The following SERINC2 variants were observed in gnomAD, a reference collection of about 807,000 sequenced individuals.
The protein encoded by SERINC2 is tumor differentially expressed protein 2.
A neutral mutation model predicts 54.2 loss-of-function variants in SERINC2; 56 were observed. That is an observed-to-expected ratio of 1.03 (90% CI 0.83 to 1.29). SERINC2 has a LOEUF of 1.29. Ranked by LOEUF, SERINC2 falls within the 50% of genes most tolerant of loss-of-function variation. The pLI is 0.00. For missense variants in SERINC2, 614 were observed against 607.4 expected, an observed-to-expected ratio of 1.01 and a Z score of -0.12; for synonymous variants, 272 against 253.1, an observed-to-expected ratio of 1.07 and a Z score of -0.71.
At chr1:31,410,174 A>G, upstream of SERINC2, 1 of 1,434,100 alleles carries the variant, frequency 7.0e-7, no homozygotes, top group East Asian at 2.5e-5. Context: ...GTGACTTGCC[A>G]GTATCACATA....
chr1:31,413,939 A>T lies in SERINC2; in HGVS notation c.39+635A>T, dbSNP rs1553131836. On this transcript the variant is annotated intron_variant, in intron 1 of 9. Transcript: ENST00000373709. The surrounding 1 kb of genome is among the most constrained non-coding windows in gnomAD (Gnocchi z 5.0). The stretch of plus-strand genomic sequence containing the variant: ...TCTCTGCGGTCCCTTTACCGTCCTC[A>T]GTCTGGCTCGCGCTGCCTCTCAGGC... 60 of 1,522,614 alleles carry T rather than the reference A, an allele frequency of 3.9e-5. No homozygotes were observed. The highest frequency in any genetic ancestry group is 2.1e-5 in the Non-Finnish European group (24 of 1,141,654). 94.3% of individuals were successfully genotyped at this position (1,522,614 alleles called of 1,614,324 possible). A position where few individuals can be genotyped will look rare whatever the true frequency, so the allele number is the denominator to read the frequency against.
Position 31,429,519 on chromosome 1 carries a change from C to T in SERINC2, c.994C>T (p.Leu332=), listed in dbSNP as rs1553134169. The T allele has an allele frequency of 1.9e-6, 3 of 1,611,964 alleles. No homozygotes were observed. Among genetic ancestry groups the T allele is most frequent in the Admixed American group, 1.7e-5 (1 of 59,760 alleles). The stretch of plus-strand genomic sequence containing the variant: ...CATTGTGGGCCTCATCATCTTCCTC[C>T]TGTGCACCCTCTTCATCAGGTATGG... The part of the protein sequence containing the change: ...PSIVGLIIFL[L]CTLFISLRSS... The change falls in exon 8 of 10, where the codon CTG becomes TTG. Residue 332 remains leucine, a synonymous_variant. Coordinates refer to ENST00000373709, the MANE Select transcript of SERINC2 (RefSeq NM_178865.5).
chr1:31,428,749 G>A (rs1382974182), intron 6 of SERINC2, among the ~76,000 whole-genome samples: 6 of 152,150 alleles, frequency 3.9e-5, no homozygotes, highest in Non-Finnish European at 5.9e-5. Context: ...TTCAGCAGGG[G>A]AGGAGGGCAA....
At chr1:31,432,476 C>G (rs1641334069) in intron 8 of SERINC2, among the ~76,000 whole-genome samples, 1 of 152,008 alleles carries the variant, frequency 6.6e-6, no homozygotes, top group Non-Finnish European at 1.5e-5. Flanking sequence ...GTAAAACCAC[C>G]TGACACTAAT....
intron 6 of SERINC2, among the ~76,000 whole-genome samples, chr1:31,428,408 GACAGGCA>G (rs1486027543): frequency 6.6e-6 from 1 of 152,164 alleles, no homozygotes; most frequent in Non-Finnish European, 1.5e-5. Flanking sequence ...GGTGGGGAAG[GACAGGCA>G]ACAGGGGACT....
rs1013616389 is a variant in SERINC2 at position 31,427,294 on chromosome 1, T to C, written c.780+471T>C. On this transcript the variant is annotated intron_variant, in intron 6 of 9. Transcript: ENST00000373709. ...TCCAATCCAAGACCATCTGGAATAA[T>C]GGGCAGGAGCTCCCAGAGGAACTGC... 4.6e-5 allele frequency among the ~76,000 whole-genome samples: 7 copies of C among 152,264 alleles called. No individual in the cohort carries two copies. The South Asian group carries it at 1.5e-3, about 32-fold the overall frequency.
chr1:31,431,885 A>ATAGGGTGGTTAGGGTGGTTAGGGTGGT (rs1641240560), intron 8 of SERINC2, among the ~76,000 whole-genome samples: 1 of 140,392 alleles, frequency 7.1e-6, no homozygotes, highest in Admixed American at 7.0e-5. Context: ...GACAGGGTGG[A>ATAGGGTGGTTAGGGTGGTTAGGGTGGT]CAGGGTGGAT....
At chr1:31,421,192 G>A (rs782331406) in intron 1 of SERINC2, among the ~76,000 whole-genome samples, 27 of 152,292 alleles carry the variant, frequency 1.8e-4, no homozygotes, top group Non-Finnish European at 3.5e-4. Context: ...CAAGTTGCGT[G>A]CTTCTTATGA....
At chr1:31,419,653 C>T (rs564031301) in intron 1 of SERINC2, among the ~76,000 whole-genome samples, 23 of 152,210 alleles carry the variant, frequency 1.5e-4, no homozygotes, top group African/African-American at 5.5e-4. Context: ...CATGAGAAAA[C>T]CCTGTATCTA....
upstream of SERINC2, chr1:31,409,962 C>G (rs1640622032): frequency 1.1e-5 from 12 of 1,075,436 alleles, no homozygotes; most frequent in African/African-American, 1.6e-5. Flanking sequence ...GATTAGAGAA[C>G]CTTGGGGTGG....
Position 31,432,129 on chromosome 1 carries a change from T to TGGAC in SERINC2, c.1014-838_1014-837insGGAC, listed in dbSNP as rs1641293916. On this transcript the variant is annotated intron_variant, in intron 8 of 9. Coordinates refer to ENST00000373709, the MANE Select transcript of SERINC2 (RefSeq NM_178865.5). ...GGGTGGATAGGGTGGTTAGGGTGGA[T>TGGAC]AGGGTGGACAGGGTGGACAGGGTGG... Among the ~76,000 whole-genome samples, 2 of 9,884 alleles carry TGGAC rather than the reference T, an allele frequency of 2.0e-4. 1 individual carries two copies. Among genetic ancestry groups the TGGAC allele is most frequent in the Non-Finnish European group, 5.2e-4 (2 of 3,848 alleles). 6.5% of individuals were successfully genotyped at this position (9,884 alleles called of 152,430 possible).
Position 31,432,133 on chromosome 1 carries a change from G to A in SERINC2, c.1014-834G>A, listed in dbSNP as rs1182332222. Among the ~76,000 whole-genome samples the A allele has an allele frequency of 2.2e-4, 28 of 126,932 alleles. 1 individual carries two copies. The highest frequency in any genetic ancestry group is 1.3e-3 in the East Asian group (5 of 3,714). The allele number at this position is 126,932 out of a possible 152,430, so 83.3% of individuals were successfully genotyped here. A position where few individuals can be genotyped will look rare whatever the true frequency, so the allele number is the denominator to read the frequency against. ...GGATAGGGTGGTTAGGGTGGATAGG[G>A]TGGACAGGGTGGACAGGGTGGACAG... On this transcript the variant is annotated intron_variant, in intron 8 of 9. Transcript: ENST00000373709.
chr1:31,433,944 G>T (rs971077529), intron 9 of SERINC2, 120 bp from the exon 10 acceptor site: 6 of 973,016 alleles, frequency 6.2e-6, no homozygotes, highest in Non-Finnish European at 9.4e-6. Flanking sequence ...AGATGGACTG[G>T]AGTTACAGGG....
At chr1:31,410,268 A>G, upstream of SERINC2, 2 of 1,491,148 alleles carry the variant, frequency 1.3e-6, no homozygotes, top group Non-Finnish European at 1.8e-6. Flanking sequence ...CTGGGAGTAA[A>G]GGCTGATGGG....
At chr1:31,418,413 G>T (rs1553132456) in intron 1 of SERINC2, among the ~76,000 whole-genome samples, 1 of 151,924 alleles carries the variant, frequency 6.6e-6, no homozygotes, top group African/African-American at 2.4e-5. Context: ...CTCATGCTCT[G>T]TCACCCAGGC....
Position 31,428,832 on chromosome 1 carries a change from C to T in SERINC2, c.781-146C>T, listed in dbSNP as rs1641113337. The T allele has an allele frequency of 1.0e-5, 7 of 672,334 alleles. No homozygotes were observed. The Admixed American group carries it at 1.3e-4, about 13-fold the overall frequency. The allele number at this position is 672,334 out of a possible 1,614,324, so 41.6% of individuals were successfully genotyped here. On this transcript the variant is annotated intron_variant, in intron 6 of 9. Coordinates refer to ENST00000373709, the MANE Select transcript of SERINC2 (RefSeq NM_178865.5). ...GGTTAGTGAGGTGGGTGGTAGGTGG[C>T]CTGCTTGGTGTTTTCCCTAAGTGGG... is the stretch of plus-strand genomic sequence containing the variant.
Position 31,413,772 on chromosome 1 carries a change from A to T in SERINC2, c.39+468A>T, listed in dbSNP as rs1031100141. On this transcript the variant is annotated intron_variant, in intron 1 of 9. Coordinates refer to ENST00000373709, the MANE Select transcript of SERINC2 (RefSeq NM_178865.5). The surrounding 1 kb of genome is among the most constrained non-coding windows in gnomAD (Gnocchi z 5.0). Reference sequence around the variant, plus strand: ...TGCCCTACCCCTCTGGCCGCCTGCCAGTCCGCCTGTTCCTGTCGCTCGGGC... The same window carrying T: ...TGCCCTACCCCTCTGGCCGCCTGCCTGTCCGCCTGTTCCTGTCGCTCGGGC... 43 of 1,373,480 alleles carry T rather than the reference A, an allele frequency of 3.1e-5. No homozygotes were observed. The highest frequency in any genetic ancestry group is 4.0e-5 in the Non-Finnish European group (43 of 1,070,468). The allele number at this position is 1,373,480 out of a possible 1,614,324, so 85.1% of individuals were successfully genotyped here. A position where few individuals can be genotyped will look rare whatever the true frequency, so the allele number is the denominator to read the frequency against.
Position 31,424,789 on chromosome 1 carries a change from C to T in SERINC2, c.308C>T (p.Ala103Val). The T allele has an allele frequency of 6.2e-7, 1 of 1,612,288 alleles. No individual in the cohort carries two copies. The highest frequency in any genetic ancestry group is 8.5e-7 in the Non-Finnish European group (1 of 1,179,520). ...CGCGCTGTCTACCGCATGTGCTTCG[C>T]CACGGCGGCCTTCTTCTTCTTTTTC... ...GYRAVYRMCF[A>V]TAAFFFFFTL... Residue 103 changes from alanine (A) to valine (V), a missense_variant, in exon 3 of 10, where the codon GCC becomes GTC. By Grantham distance (64) the Ala-to-Val change is moderately conservative (BLOSUM62 0). Transcript: ENST00000373709.
chr1:31,434,623 C>T lies in SERINC2; in HGVS notation c.*424C>T, dbSNP rs782393962. ...GGGACCCTGCCCACTTCCTGGACTT[C>T]GTGCCTTACTGAGTCTCTAAGACTT... On this transcript the variant is annotated 3_prime_UTR_variant, in exon 10 of 10. Coordinates refer to ENST00000373709, the MANE Select transcript of SERINC2 (RefSeq NM_178865.5). 11 of 204,972 alleles carry T rather than the reference C, an allele frequency of 5.4e-5. No individual in the cohort carries two copies. Among genetic ancestry groups the T allele is most frequent in the Non-Finnish European group, 1.0e-4 (10 of 100,382 alleles). 12.7% of individuals were successfully genotyped at this position (204,972 alleles called of 1,614,324 possible).
Sources: gnomAD v4.1 joint callset for allele counts (sites outside exome capture counted in the v4.1 genomes callset) on GRCh38, gnomAD v4.1.1 for gene constraint, Gnocchi (gnomAD v3.1) non-coding constraint, MANE v1.5 for transcripts, NCBI Gene and HGNC (gene_info 2026-07-23, HGNC 2026-07-21) for gene names.